CD320: variants seen among roughly 807,000 people sequenced by gnomAD.
The protein encoded by CD320 is CD320 molecule.
CD320 carries 16 observed loss-of-function variants against 22.1 expected under a neutral mutation model. The observed-to-expected ratio is 0.73, with a 90% CI of 0.49 to 1.10. The LOEUF (loss-of-function observed/expected upper bound fraction) is 1.10. Ranked by LOEUF, CD320 falls within the 50% of genes least tolerant of loss-of-function variation. The probability of loss-of-function intolerance (pLI) is 0.00; values close to 1 mark genes in which losing one functional copy is unlikely to be tolerated. For synonymous variants in CD320, 188 were observed against 167.8 expected (o/e 1.12, Z -0.93); for missense variants, 388 against 376.9 (o/e 1.03, Z -0.24).
chr19:8,308,198 C>T lies in CD320; in HGVS notation c.93G>A (p.Leu31=). ...LLLLLGLGLG[L]EAAASPLSTP... is the part of the protein sequence containing the mutation. ...TGGAAAGCGGGCTCGCGGCGGCCTCCAGGCCTAGTCCGAGGCCGAGCAGCA... is the reference window on the plus strand; with the variant it reads ...TGGAAAGCGGGCTCGCGGCGGCCTCTAGGCCTAGTCCGAGGCCGAGCAGCA... Residue 31 remains leucine, a synonymous_variant, in exon 1 of 5, where the codon CTG becomes CTA. Transcript: ENST00000301458. 1.3e-6 allele frequency: 2 copies of T among 1,567,304 alleles called. No homozygotes were observed. The highest frequency in any genetic ancestry group is 1.7e-6 in the Non-Finnish European group (2 of 1,163,978).
chr19:8,308,084 C>T (rs967801216), intron 1 of CD320, 65 bp downstream of exon 1: 5 of 1,397,526 alleles, frequency 3.6e-6, no homozygotes, highest in Admixed American at 3.0e-5. Flanking sequence ...TAGGCGTTGT[C>T]GGTGCGCGGC....
At chr19:8,308,071 G>T in intron 1 of CD320, 78 bp downstream of exon 1, 2 of 1,337,564 alleles carry the variant, frequency 1.5e-6, no homozygotes, top group Middle Eastern at 2.7e-4. Context: ...TGCAGCCAGT[G>T]ACTAGGCGTT....
At chr19:8,304,950 C>T (rs1004676365) in intron 2 of CD320, 81 bp downstream of exon 2, 24 of 1,531,778 alleles carry the variant, frequency 1.6e-5, no homozygotes, top group Admixed American at 3.4e-5. Flanking sequence ...CCACAAGCTC[C>T]ACCTCCGCGT....
intron 1 of CD320, among the ~76,000 whole-genome samples, chr19:8,307,202 G>T (rs143808661): frequency 6.6e-4 from 100 of 151,354 alleles, no homozygotes; most frequent in African/African-American, 2.4e-3. Flanking sequence ...TGAGGCATGA[G>T]AATTGCTTAA....
At position 8,304,038 on chromosome 19, in the gene CD320, G is replaced by A. The variant is rs761755805; in HGVS notation, c.319C>T (p.Pro107Ser). The change falls in exon 3 of 5, where the codon CCC becomes TCC. Residue 107 changes from proline (P) to serine (S), a missense_variant. Physicochemically the swap from Pro to Ser is moderately conservative, Grantham distance 74. Coordinates refer to ENST00000301458, the MANE Select transcript of CD320 (RefSeq NM_016579.4). Reference protein sequence around the residue: ...KGQCPPPPGLPCPCTGVSDCS... With the variant: ...KGQCPPPPGLSCPCTGVSDCS... ...TCACTGACGCCGGTGCAGGGGCAGGGGAGGCCAGGGGGCGGTGGGCATTGC... is the reference window on the plus strand; with the variant it reads ...TCACTGACGCCGGTGCAGGGGCAGGAGAGGCCAGGGGGCGGTGGGCATTGC... The A allele has an allele frequency of 1.9e-5, 30 of 1,560,808 alleles. No homozygotes were observed. The highest frequency in any genetic ancestry group is 3.9e-5 in the Admixed American group (2 of 51,922).
chr19:8,305,908 G>A (rs563616778), intron 1 of CD320: 1 of 152,336 alleles, frequency 6.6e-6, no homozygotes, highest in South Asian at 2.1e-4. Flanking sequence ...AGCAGGGAGG[G>A]TCTATCTCCT....
chr19:8,304,781 G>GCAACCTCC (rs1461273929), intron 2 of CD320: 1 of 497,032 alleles, frequency 2.0e-6, no homozygotes, highest in Non-Finnish European at 3.7e-6. Flanking sequence ...CACTGCAGCG[G>GCAACCTCC]CAACCTCCCA....
At chr19:8,305,466 G>A (rs1970075400) in intron 1 of CD320, 1 of 334,090 alleles carries the variant, frequency 3.0e-6, no homozygotes, top group Non-Finnish European at 5.9e-6. Flanking sequence ...TCAGCACTTT[G>A]GCAGGCCGAG....
At chr19:8,306,530 G>C (rs994383308) in intron 1 of CD320, among the ~76,000 whole-genome samples, 9 of 152,162 alleles carry the variant, frequency 5.9e-5, no homozygotes, top group African/African-American at 2.2e-4. Context: ...GGCCAGGGGA[G>C]GTGGCAAATC....
chr19:8,306,384 AGAGAAGATCCCGGCT>A (rs1230272110), intron 1 of CD320, among the ~76,000 whole-genome samples: 6 of 152,226 alleles, frequency 3.9e-5, no homozygotes, highest in African/African-American at 1.4e-4. Context: ...AGCTGGGTCC[AGAGAAGATCCCGGCT>A]GTCCTAGATT....
chr19:8,302,724 C>G, intron 4 of CD320, 53 bp downstream of exon 4: 6 of 1,608,890 alleles, frequency 3.7e-6, no homozygotes, highest in Non-Finnish European at 5.1e-6. Flanking sequence ...ACCCACCTCC[C>G]CTGAATCCCC....
chr19:8,302,296 C>G lies in CD320; in HGVS notation c.*167G>C. On this transcript the variant is annotated 3_prime_UTR_variant, in exon 5 of 5. Coordinates refer to ENST00000301458, the MANE Select transcript of CD320 (RefSeq NM_016579.4). ...TCTCCATAGGGAGTGTCCAGGGACC[C>G]TCAATCTCCAGGGCCACTTCTGCAG... The G allele has an allele frequency of 2.3e-6, 2 of 855,456 alleles. No homozygotes were observed. The allele number at this position is 855,456 out of a possible 1,614,324, so 53.0% of individuals were successfully genotyped here.
At chr19:8,304,636 C>G in intron 2 of CD320, 1 of 265,516 alleles carries the variant, frequency 3.8e-6, no homozygotes, top group Non-Finnish European at 7.4e-6. Context: ...AGCCACCGTA[C>G]CTGGCTCCCT....
rs1036986434 is a variant in CD320, at chr19:8,304,966, G to T, written c.268+65C>A. On this transcript the variant is annotated intron_variant, in intron 2 of 4. Transcript: ENST00000301458. Reference sequence around the variant, plus strand: ...CACAAGCTCCACCTCCGCGTGCCTGGCCCCTGACAAACCACCCTCAGGCCC... The same window carrying T: ...CACAAGCTCCACCTCCGCGTGCCTGTCCCCTGACAAACCACCCTCAGGCCC... 14 of 1,577,234 alleles carry T rather than the reference G, an allele frequency of 8.9e-6. No individual in the cohort carries two copies. In the South Asian group the frequency reaches 1.2e-4, roughly 14 times the overall value.
chr19:8,305,741 T>C (rs769812757), intron 1 of CD320: 1 of 152,592 alleles, frequency 6.6e-6, no homozygotes, highest in Non-Finnish European at 1.5e-5. Flanking sequence ...GGTAGCGGAG[T>C]TGGGCTTCGA....
intron 1 of CD320, among the ~76,000 whole-genome samples, chr19:8,307,683 G>A (rs1039590731): frequency 3.3e-5 from 5 of 152,218 alleles, no homozygotes; most frequent in Non-Finnish European, 4.4e-5. Flanking sequence ...AAGGATGGAG[G>A]ACAAAGGAGG....
At position 8,308,187 on chromosome 19, in the gene CD320, G is replaced by T; in HGVS notation, c.104C>A (p.Ala35Glu). 6.4e-7 allele frequency: 1 copy of T among 1,558,332 alleles called. No individual in the cohort carries two copies. The highest frequency in any genetic ancestry group is 8.6e-7 in the Non-Finnish European group (1 of 1,159,874). The change falls in exon 1 of 5, where the codon GCG becomes GAG. Residue 35 changes from alanine (A) to glutamate (E), a missense_variant. By Grantham distance (107) the Ala-to-Glu change is moderately radical. Transcript: ENST00000301458. ...LGLGLGLEAA[A>E]SPLSTPTSAQ... is the part of the protein sequence containing the mutation. ...AGAGGTCGGGGTGGAAAGCGGGCTCGCGGCGGCCTCCAGGCCTAGTCCGAG... is the reference window on the plus strand; with the variant it reads ...AGAGGTCGGGGTGGAAAGCGGGCTCTCGGCGGCCTCCAGGCCTAGTCCGAG...
chr19:8,303,043 T>C lies in CD320; in HGVS notation c.503-63A>G, dbSNP rs1021300319. ...GCACTGAAGGCGTGAGGGGGCCAGA[T>C]GCCCAGGGGAGCCCTTGGGGTTTAT... On this transcript the variant is annotated intron_variant, in intron 3 of 4. Coordinates refer to ENST00000301458, the MANE Select transcript of CD320 (RefSeq NM_016579.4). The C allele has an allele frequency of 1.1e-5, 16 of 1,429,246 alleles. No homozygotes were observed. The Admixed American group carries it at 2.2e-4, about 20-fold the overall frequency. 88.5% of individuals were successfully genotyped at this position (1,429,246 alleles called of 1,614,324 possible).
chr19:8,308,168 C>T lies in CD320; in HGVS notation c.123G>A (p.Pro41=). 6.5e-7 allele frequency: 1 copy of T among 1,550,134 alleles called. No homozygotes were observed. Among genetic ancestry groups the T allele is most frequent in the African/African-American group, 1.4e-5 (1 of 71,790 alleles). The part of the protein sequence containing the change: ...LEAAASPLST[P]TSAQAAGPSS... ...ACTCACCTGCGGCCTGGGCAGAGGTCGGGGTGGAAAGCGGGCTCGCGGCGG... is the reference window on the plus strand; with the variant it reads ...ACTCACCTGCGGCCTGGGCAGAGGTTGGGGTGGAAAGCGGGCTCGCGGCGG... The change falls in exon 1 of 5, where the codon CCG becomes CCA. Residue 41 remains proline, a synonymous_variant. Transcript: ENST00000301458.
Sources: allele counts gnomAD v4.1 joint callset (sites outside exome capture counted in the v4.1 genomes callset), GRCh38; gene constraint gnomAD v4.1.1; transcripts MANE v1.5; gene names NCBI Gene and HGNC (gene_info 2026-07-23, HGNC 2026-07-21).